EMP1: variants seen among roughly 807,000 people sequenced by gnomAD.
EMP1 encodes the protein epithelial membrane protein 1, also known as tumor-associated membrane protein.
EMP1 carries 5 observed loss-of-function variants against 15.7 expected under a neutral mutation model. That is an observed-to-expected ratio of 0.32 (90% confidence interval 0.17 to 0.67). The LOEUF (loss-of-function observed/expected upper bound fraction) is 0.67. Among genes scored for constraint, EMP1 ranks in the 30% least tolerant of loss-of-function variants. EMP1 has a pLI of 0.74. For missense variants in EMP1, 166 were observed against 194.2 expected, an observed-to-expected ratio of 0.85 and a Z score of 0.86; for synonymous variants, 78 against 76.7, an observed-to-expected ratio of 1.02 and a Z score of -0.09.
chr12:13,204,808 A>G (rs1036615432), intron 1 of EMP1, among the ~76,000 whole-genome samples: 1 of 152,186 alleles, frequency 6.6e-6, no homozygotes, highest in Non-Finnish European at 1.5e-5. Context: ...CTGTCAGAAA[A>G]ACACTGGCCA....
chr12:13,214,695 C>T lies in EMP1; in HGVS notation c.*4C>T, dbSNP rs1353620174. The T allele has an allele frequency of 6.4e-5, 102 of 1,600,182 alleles. No homozygotes were observed. Among genetic ancestry groups the T allele is most frequent in the East Asian group, 5.2e-4 (23 of 43,954 alleles). On this transcript the variant is annotated 3_prime_UTR_variant, in exon 5 of 5. Transcript: ENST00000256951. ...TCTGGTCCTGAGAAAGAAATAAGGC[C>T]GGACGAGTTCATGGGGATCTGGGGG...
intron 1 of EMP1, among the ~76,000 whole-genome samples, chr12:13,202,143 T>C (rs1351075984): frequency 6.6e-6 from 1 of 152,100 alleles, no homozygotes; most frequent in Non-Finnish European, 1.5e-5. Context: ...GTGATGAGGA[T>C]GTTTCCCCTT....
At chr12:13,214,056 ATC>A (rs1392547394) in intron 4 of EMP1, 1 of 691,820 alleles carries the variant, frequency 1.4e-6, no homozygotes, top group East Asian at 2.7e-5. Flanking sequence ...GGCAGTGCAT[ATC>A]TGTTAGTAGC....
chr12:13,198,412 T>C (rs1293059022), intron 1 of EMP1, among the ~76,000 whole-genome samples: 2 of 152,200 alleles, frequency 1.3e-5, no homozygotes. Context: ...GGCTTTTCCT[T>C]TAGAAAGGCA....
At chr12:13,207,716 G>A (rs1204535612) in intron 1 of EMP1, among the ~76,000 whole-genome samples, 1 of 152,180 alleles carries the variant, frequency 6.6e-6, no homozygotes, top group Non-Finnish European at 1.5e-5. Context: ...CCTGTGCCAT[G>A]TATGTTAGGT....
At chr12:13,212,751 T>G (rs1010223878) in intron 2 of EMP1, among the ~76,000 whole-genome samples, 7 of 152,146 alleles carry the variant, frequency 4.6e-5, no homozygotes, top group African/African-American at 1.7e-4. Flanking sequence ...GTGTGTGCAT[T>G]TGTGTGTGTG....
At chr12:13,209,878 C>G (rs1405402199) in intron 1 of EMP1, among the ~76,000 whole-genome samples, 1 of 152,132 alleles carries the variant, frequency 6.6e-6, no homozygotes, top group African/African-American at 2.4e-5. Flanking sequence ...CCAACCTCTC[C>G]CCTGAAGAGG....
In EMP1 at chr12:13,213,972, T is replaced by A. The variant is rs1442271312; in HGVS notation, c.316+151T>A. On this transcript the variant is annotated intron_variant, in intron 4 of 4. Coordinates refer to ENST00000256951, the MANE Select transcript of EMP1 (RefSeq NM_001423.3). ...TTATTTGTTCTCTTGTGGAGAACCT[T>A]GGATTGCTGCTTAGGTTAAGAACCC... is the stretch of plus-strand genomic sequence containing the variant. 5 of 1,160,812 alleles carry A rather than the reference T, an allele frequency of 4.3e-6. No individual in the cohort carries two copies. In the East Asian group the frequency reaches 1.2e-4, roughly 29 times the overall value. The allele number at this position is 1,160,812 out of a possible 1,614,324, so 71.9% of individuals were successfully genotyped here. A position where few individuals can be genotyped will look rare whatever the true frequency, so the allele number is the denominator to read the frequency against.
At chr12:13,209,711 CTG>C (rs1186217080) in intron 1 of EMP1, 1 of 152,126 alleles carries the variant, frequency 6.6e-6, no homozygotes, top group African/African-American at 2.4e-5. Flanking sequence ...GGTCAAATAA[CTG>C]GATATGATTC....
rs1864193208 is a variant in EMP1 at position 13,214,257 on chromosome 12, C to T, written c.317-277C>T. On this transcript the variant is annotated intron_variant, in intron 4 of 4. Coordinates refer to ENST00000256951, the MANE Select transcript of EMP1 (RefSeq NM_001423.3). ...CTTTCCTAGACCCACAAGGGCCAGA[C>T]AGGACAGCTGGGTGGTAGGCATGAG... 8.4e-6 allele frequency: 5 copies of T among 596,988 alleles called. No homozygotes were observed. The South Asian group carries it at 1.0e-4, about 12-fold the overall frequency. 37.0% of individuals were successfully genotyped at this position (596,988 alleles called of 1,614,324 possible).
At chr12:13,202,711 A>G (rs548408573) in intron 1 of EMP1, among the ~76,000 whole-genome samples, 1 of 152,244 alleles carries the variant, frequency 6.6e-6, no homozygotes, top group Admixed American at 6.5e-5. Flanking sequence ...TTCTCAGCAA[A>G]ACGACAGGGA....
At chr12:13,207,083 T>C (rs1379057587) in intron 1 of EMP1, among the ~76,000 whole-genome samples, 1 of 152,190 alleles carries the variant, frequency 6.6e-6, no homozygotes, top group African/African-American at 2.4e-5. Context: ...TTTAGAGCTA[T>C]AGTCACGAGC....
At chr12:13,198,946 TC>T (rs201967453) in intron 1 of EMP1, among the ~76,000 whole-genome samples, 2 of 135,370 alleles carry the variant, frequency 1.5e-5, no homozygotes, top group Non-Finnish European at 1.6e-5. Context: ...GGGTTATTTT[TC>T]CCCCCCACTC....
chr12:13,201,682 C>T (rs887201176), intron 1 of EMP1, among the ~76,000 whole-genome samples: 3 of 152,080 alleles, frequency 2.0e-5, no homozygotes, highest in Admixed American at 6.5e-5. Context: ...TGGTGTTCCC[C>T]GGACTTACCC....
At chr12:13,212,204 CA>C (rs1864170748) in intron 2 of EMP1, among the ~76,000 whole-genome samples, 1 of 151,552 alleles carries the variant, frequency 6.6e-6, no homozygotes, top group Non-Finnish European at 1.5e-5. Context: ...CTAACTCAGA[CA>C]AAACGAGAAA....
chr12:13,217,811 C>CAT lies in EMP1; in HGVS notation c.*3128_*3129dup, dbSNP rs1315045037. The stretch of plus-strand genomic sequence containing the variant: ...AATAAGATTCGCGTGTGTGTGCAAA[C>CAT]ATATATATAAATAAATAAAAATATA... On this transcript the variant is annotated 3_prime_UTR_variant, in exon 5 of 5. Coordinates refer to ENST00000256951, the MANE Select transcript of EMP1 (RefSeq NM_001423.3). The CAT allele has an allele frequency of 2.0e-5, 3 of 151,676 alleles. No individual in the cohort carries two copies. The highest frequency in any genetic ancestry group is 4.2e-4 in the South Asian group (2 of 4,804). 9.4% of individuals were successfully genotyped at this position (151,676 alleles called of 1,614,324 possible).
rs1864197298 is a variant in EMP1 at position 13,214,640 on chromosome 12, C to T, written c.423C>T (p.Phe141=). 6.2e-7 allele frequency: 1 copy of T among 1,613,888 alleles called. No individual in the cohort carries two copies. ...CCTACATCCTGGGCTGGATCTGCTT[C>T]TGCTTCAGCTTCATCATCGGCGTTC... is the stretch of plus-strand genomic sequence containing the variant. ...GYSYILGWIC[F]CFSFIIGVLY... Residue 141 remains phenylalanine (F), a synonymous_variant, in exon 5 of 5, where the codon TTC becomes TTT. Transcript: ENST00000256951.
chr12:13,218,974 T>C lies in EMP1; in HGVS notation c.*4283T>C, dbSNP rs1243403541. On this transcript the variant is annotated 3_prime_UTR_variant, in exon 5 of 5. Transcript: ENST00000256951. ...TTCCTCATGACCCTATCTCATGCCA[T>C]GAGCAATTGTCTGGCATCTCCTGTG... The C allele has an allele frequency of 6.6e-6, 1 of 152,242 alleles. No individual in the cohort carries two copies. The highest frequency in any genetic ancestry group is 2.4e-5 in the African/African-American group (1 of 41,446). 9.4% of individuals were successfully genotyped at this position (152,242 alleles called of 1,614,324 possible). A position where few individuals can be genotyped will look rare whatever the true frequency, so the allele number is the denominator to read the frequency against.
chr12:13,200,368 T>C (rs1565576871), intron 1 of EMP1, among the ~76,000 whole-genome samples: 1 of 152,210 alleles, frequency 6.6e-6, no homozygotes, highest in Non-Finnish European at 1.5e-5. Flanking sequence ...GCCCATCAAA[T>C]GTAGCCTCCT....
Sources: allele counts gnomAD v4.1 joint callset (sites outside exome capture counted in the v4.1 genomes callset), GRCh38; gene constraint gnomAD v4.1.1; transcripts MANE v1.5; gene names NCBI Gene and HGNC (gene_info 2026-07-23, HGNC 2026-07-21).